The following MACROD2 variants were observed in gnomAD, a reference collection of about 807,000 sequenced individuals.
MACROD2 encodes the protein ADP-ribose glycohydrolase MACROD2.
In MACROD2, 36 loss-of-function variants were observed where a neutral mutation model predicts 70.4. The observed-to-expected ratio is 0.51, with a 90% CI of 0.39 to 0.68. MACROD2 has a LOEUF of 0.68. Ranked by LOEUF, MACROD2 falls within the 30% of genes least tolerant of loss-of-function variation. The pLI, the probability that MACROD2 is intolerant of heterozygous loss-of-function variation, is 0.00. For synonymous variants in MACROD2, 172 were observed against 178.8 expected (o/e 0.96, Z 0.30); for missense variants, 496 against 538.4 (o/e 0.92, Z 0.78).
intron 3 of MACROD2, among the ~76,000 whole-genome samples, chr20:14,239,907 G>A (rs1450475921): frequency 6.6e-6 from 1 of 152,076 alleles, no homozygotes; most frequent in African/African-American, 2.4e-5. Flanking sequence ...CTACAGAATG[G>A]GAGAAAATAT....
chr20:15,718,180 G>A (rs2050734188), intron 8 of MACROD2, among the ~76,000 whole-genome samples: 1 of 151,720 alleles, frequency 6.6e-6, no homozygotes, highest in Non-Finnish European at 1.5e-5. Context: ...GTGGAGATGG[G>A]GTTTCACTAT....
chr20:15,207,435 G>GTTTT (rs1568636954), intron 5 of MACROD2, among the ~76,000 whole-genome samples: 4 of 69,422 alleles, frequency 5.8e-5, no homozygotes, highest in African/African-American at 8.9e-5. Context: ...GTTTGTTTCT[G>GTTTT]GTTTTTTTTT....
intron 8 of MACROD2, among the ~76,000 whole-genome samples, chr20:15,520,578 T>G (rs756523884): frequency 2.0e-5 from 3 of 152,164 alleles, no homozygotes; most frequent in Non-Finnish European, 4.4e-5. Flanking sequence ...AGATTCCCTC[T>G]AGTAACAAAG....
At chr20:15,037,361 T>C (rs188103949) in intron 5 of MACROD2, among the ~76,000 whole-genome samples, 149 of 152,370 alleles carry the variant, frequency 9.8e-4, no homozygotes, top group Non-Finnish European at 2.0e-3. Flanking sequence ...AATTCTTGTT[T>C]TTGAAACATT....
At chr20:15,379,665 C>T (rs989566698) in intron 6 of MACROD2, among the ~76,000 whole-genome samples, 6 of 152,136 alleles carry the variant, frequency 3.9e-5, no homozygotes, top group Admixed American at 2.6e-4. Flanking sequence ...TCTAATTTGT[C>T]TACTCCTCTC....
intron 4 of MACROD2, among the ~76,000 whole-genome samples, chr20:14,582,027 A>G (rs1981057213): frequency 6.6e-6 from 1 of 150,724 alleles, no homozygotes; most frequent in Non-Finnish European, 1.5e-5. Flanking sequence ...CAGCCCAACT[A>G]TACACCCTTG....
intron 5 of MACROD2, among the ~76,000 whole-genome samples, chr20:14,981,508 G>A (rs1242490939): frequency 3.3e-5 from 5 of 151,436 alleles, no homozygotes; most frequent in Non-Finnish European, 5.9e-5. Flanking sequence ...ATTTGGCCGT[G>A]TCCCCACTCA....
At chr20:15,057,245 T>C (rs919973900) in intron 5 of MACROD2, among the ~76,000 whole-genome samples, 10 of 152,246 alleles carry the variant, frequency 6.6e-5, no homozygotes, top group African/African-American at 2.4e-4. Context: ...ACATGTAGTA[T>C]GTCAATTTAA....
At chr20:14,755,845 AATT>A (rs1168734836) in intron 5 of MACROD2, among the ~76,000 whole-genome samples, 1 of 152,054 alleles carries the variant, frequency 6.6e-6, no homozygotes, top group Non-Finnish European at 1.5e-5. Context: ...AGAAAACCCA[AATT>A]GTCCATATTC....
chr20:14,523,119 A>G (rs1345246010), intron 4 of MACROD2, among the ~76,000 whole-genome samples: 5 of 152,202 alleles, frequency 3.3e-5, no homozygotes, highest in Non-Finnish European at 7.3e-5. Context: ...ATGATCTTCC[A>G]TTAAAAAAAG....
intron 5 of MACROD2, among the ~76,000 whole-genome samples, chr20:15,076,359 TTGTC>T (rs1346479064): frequency 6.6e-6 from 1 of 152,166 alleles, no homozygotes; most frequent in East Asian, 1.9e-4. Flanking sequence ...TAATAAAACA[TTGTC>T]TGAATCTCTG....
At chr20:15,330,992 G>T in intron 6 of MACROD2, among the ~76,000 whole-genome samples, 1 of 151,622 alleles carries the variant, frequency 6.6e-6, no homozygotes, top group South Asian at 2.1e-4. Context: ...CTTTGAAAAC[G>T]GAGGCAAAAA....
chr20:14,590,559 T>C (rs1981697605), intron 4 of MACROD2, among the ~76,000 whole-genome samples: 1 of 152,176 alleles, frequency 6.6e-6, no homozygotes, highest in Non-Finnish European at 1.5e-5. Flanking sequence ...TCCAGATTTA[T>C]CCATTTTGCA....
chr20:14,013,829 C>A (rs1309535247), intron 2 of MACROD2, among the ~76,000 whole-genome samples: 1 of 151,800 alleles, frequency 6.6e-6, no homozygotes, highest in Non-Finnish European at 1.5e-5. Context: ...GTTACAGGCG[C>A]CTGCCATCAC....
intron 10 of MACROD2, among the ~76,000 whole-genome samples, chr20:15,919,302 A>G (rs1360861241): frequency 6.6e-6 from 1 of 152,248 alleles, no homozygotes; most frequent in Non-Finnish European, 1.5e-5. Flanking sequence ...CTCTGCCACC[A>G]GGAGAGAGGA....
At chr20:14,953,528 A>G (rs938195988) in intron 5 of MACROD2, among the ~76,000 whole-genome samples, 3 of 152,118 alleles carry the variant, frequency 2.0e-5, no homozygotes, top group African/African-American at 7.2e-5. Flanking sequence ...GATGGTCTCG[A>G]TCTCCTGACC....
intron 10 of MACROD2, among the ~76,000 whole-genome samples, chr20:15,926,239 C>T (rs1197456892): frequency 1.3e-5 from 2 of 152,262 alleles, no homozygotes; most frequent in African/African-American, 4.8e-5. Flanking sequence ...CATGTGGAAC[C>T]TCATGCTTCA....
At chr20:14,744,428 T>C (rs180863706) in intron 5 of MACROD2, among the ~76,000 whole-genome samples, 2 of 152,334 alleles carry the variant, frequency 1.3e-5, no homozygotes, top group African/African-American at 4.8e-5. Flanking sequence ...AATTAACATA[T>C]ATATTATCTT....
intron 5 of MACROD2, among the ~76,000 whole-genome samples, chr20:15,016,241 A>C (rs565692507): frequency 1.3e-5 from 2 of 152,308 alleles, no homozygotes; most frequent in South Asian, 2.1e-4. Flanking sequence ...AGAAATGATG[A>C]AAATACAATC....
Sources: gnomAD v4.1 joint callset for allele counts (sites outside exome capture counted in the v4.1 genomes callset) on GRCh38, gnomAD v4.1.1 for gene constraint, MANE v1.5 for transcripts, NCBI Gene and HGNC (gene_info 2026-07-23, HGNC 2026-07-21) for gene names.